FGD3: variants seen among roughly 807,000 people sequenced by gnomAD.
The protein encoded by FGD3 is FYVE, RhoGEF and PH domain-containing protein 3.
Under a neutral mutation model 71.8 loss-of-function variants are expected in FGD3, and 45 were observed. The observed-to-expected ratio is 0.63, with a 90% confidence interval of 0.49 to 0.80. The LOEUF is 0.80. Among genes scored for constraint, FGD3 ranks in the 30% least tolerant of loss-of-function variants. FGD3 has a pLI of 0.00. For missense variants in FGD3, 844 were observed against 951.5 expected (o/e 0.89, Z 1.49); for synonymous variants, 378 against 392.8 (o/e 0.96, Z 0.44).
At chr9:92,959,637 G>T (rs775347878) in intron 1 of FGD3, among the ~76,000 whole-genome samples, 3 of 148,554 alleles carry the variant, frequency 2.0e-5, no homozygotes, top group African/African-American at 7.5e-5. Context: ...AGCACAGGAG[G>T]TCGAGGCTAC....
At chr9:92,962,586 A>C (rs559421092) in intron 1 of FGD3, among the ~76,000 whole-genome samples, 18 of 152,288 alleles carry the variant, frequency 1.2e-4, no homozygotes, top group African/African-American at 4.3e-4. Flanking sequence ...TTCTCACAAA[A>C]ACTCCACCAC....
rs1392228209 is a variant in FGD3 at position 92,969,393 on chromosome 9, C to T, written c.-217-5845C>T. 1.3e-5 allele frequency among the ~76,000 whole-genome samples: 2 copies of T among 152,226 alleles called. No individual in the cohort carries two copies. On this transcript the variant is annotated intron_variant, in intron 1 of 17. Coordinates refer to ENST00000375482, the MANE Select transcript of FGD3 (RefSeq NM_001083536.2). This position sits in a 1 kb window ranked among gnomAD's most constrained non-coding sequence, Gnocchi z 4.5. ...CTGACCTGGCCTCCCACATGCTGCC[C>T]TCTCTAGTTACAGCGAGTCTCTTAG...
chr9:93,035,531 C>G lies in FGD3; in HGVS notation c.2120C>G (p.Ala707Gly). Residue 707 changes from alanine (A) to glycine (G), a missense_variant, in exon 18 of 18, where the codon GCC (alanine) becomes GGC (glycine). Physicochemically the swap from Ala to Gly is moderately conservative, Grantham distance 60. Transcript: ENST00000375482. Reference sequence around the variant, plus strand: ...AGCACTGCTGCCCATGGGGACACGGCCCAGGACAGCCCGGGGGCCCTGCAG... The same window carrying G: ...AGCACTGCTGCCCATGGGGACACGGGCCAGGACAGCCCGGGGGCCCTGCAG... ...TLSTAAHGDT[A>G]QDSPGALQLQ... 6.2e-7 allele frequency: 1 copy of G among 1,610,752 alleles called. No individual in the cohort carries two copies.
At chr9:93,001,110 A>G (rs1324305928) in intron 3 of FGD3, among the ~76,000 whole-genome samples, 1 of 152,052 alleles carries the variant, frequency 6.6e-6, no homozygotes, top group African/African-American at 2.4e-5. Context: ...AGTGTATTTC[A>G]GCTCCAGAAT....
intron 1 of FGD3, among the ~76,000 whole-genome samples, chr9:92,973,525 T>C (rs1406276439): frequency 4.6e-5 from 7 of 152,204 alleles, no homozygotes; most frequent in Non-Finnish European, 7.4e-5. Context: ...AAGGATGCAG[T>C]TGGGTAAACA....
intron 12 of FGD3, 137 bp downstream of exon 12, chr9:93,019,998 C>T: frequency 1.1e-6 from 1 of 877,300 alleles, no homozygotes; most frequent in Middle Eastern, 2.2e-4. Context: ...GATGCAGTGA[C>T]CACACTGTGC....
rs991646486 is a variant in FGD3, at chr9:92,978,408, C to T, written c.453+1699C>T. On this transcript the variant is annotated intron_variant, in intron 3 of 17. Transcript: ENST00000375482. ...ACCAGATGCTGACTGACACTCCCAC[C>T]GCCCACCCCCCCACCCCACCCCCAT... Among the ~76,000 whole-genome samples the T allele has an allele frequency of 1.0e-3, 111 of 111,534 alleles. 1 individual carries two copies. The highest frequency in any genetic ancestry group is 3.5e-3 in the African/African-American group (101 of 28,990). The allele number at this position is 111,534 out of a possible 152,430, so 73.2% of individuals were successfully genotyped here.
At chr9:92,990,070 G>T (rs1860348039) in intron 3 of FGD3, among the ~76,000 whole-genome samples, 1 of 151,784 alleles carries the variant, frequency 6.6e-6, no homozygotes, top group Non-Finnish European at 1.5e-5. Context: ...TATTGATTTT[G>T]TGCCCTTCAA....
intron 14 of FGD3, among the ~76,000 whole-genome samples, chr9:93,027,869 G>A (rs746907120): frequency 3.3e-5 from 5 of 151,762 alleles, no homozygotes; most frequent in South Asian, 2.1e-4. Context: ...ACAGGCACGT[G>A]CCACCACATC....
At chr9:93,015,039 T>G (rs919474871) in intron 9 of FGD3, among the ~76,000 whole-genome samples, 1 of 151,230 alleles carries the variant, frequency 6.6e-6, no homozygotes, top group African/African-American at 2.4e-5. Context: ...TCTTCTCTGT[T>G]TCTAGAATTT....
chr9:93,018,093 G>T, intron 10 of FGD3, 43 bp from the exon 11 acceptor site: 1 of 1,581,110 alleles, frequency 6.3e-7, no homozygotes, highest in South Asian at 1.1e-5. Flanking sequence ...GAGCTAAAAT[G>T]ACCAGCTTGG....
intron 1 of FGD3, among the ~76,000 whole-genome samples, chr9:92,957,756 A>G (rs74775708): frequency 0.038 from 5,352 of 140,974 alleles, 251 homozygotes; most frequent in East Asian, 0.25. Context: ...ATCTCTGCTC[A>G]CTGCAGCCTC....
chr9:93,008,205 G>A (rs187636514), intron 6 of FGD3, among the ~76,000 whole-genome samples: 6 of 152,256 alleles, frequency 3.9e-5, no homozygotes, highest in South Asian at 2.1e-4. Flanking sequence ...TGCAGACACC[G>A]TAACCCTTTA....
At chr9:93,024,954 CAG>C (rs374307040) in intron 14 of FGD3, among the ~76,000 whole-genome samples, 31 of 152,366 alleles carry the variant, frequency 2.0e-4, no homozygotes, top group African/African-American at 5.8e-4. Flanking sequence ...TGGCTCTGGG[CAG>C]AGAGATCAGA....
chr9:92,981,174 C>A (rs1859978870), intron 3 of FGD3, among the ~76,000 whole-genome samples: 1 of 150,974 alleles, frequency 6.6e-6, no homozygotes, highest in African/African-American at 2.4e-5. Flanking sequence ...CGAGACCATC[C>A]TGGCTAACAT....
At chr9:92,957,688 T>C (rs917494093) in intron 1 of FGD3, among the ~76,000 whole-genome samples, 11 of 147,362 alleles carry the variant, frequency 7.5e-5, no homozygotes, top group African/African-American at 2.5e-4. Flanking sequence ...TTTTTTTTTT[T>C]TTTTTTTTGA....
chr9:93,011,508 A>G (rs1383450443), intron 8 of FGD3, among the ~76,000 whole-genome samples: 1 of 152,158 alleles, frequency 6.6e-6, no homozygotes, highest in African/African-American at 2.4e-5. Context: ...TTCCCCATCT[A>G]TAAAATGGGA....
chr9:93,016,873 G>A (rs552840953), intron 10 of FGD3, among the ~76,000 whole-genome samples: 126 of 152,166 alleles, frequency 8.3e-4, no homozygotes, highest in African/African-American at 2.8e-3. Flanking sequence ...CACCTGCCTC[G>A]GCCTCCCAAA....
chr9:92,992,546 G>A (rs1293343874), intron 3 of FGD3, among the ~76,000 whole-genome samples: 1 of 152,198 alleles, frequency 6.6e-6, no homozygotes, highest in African/African-American at 2.4e-5. Flanking sequence ...TTAGCTGAAA[G>A]TGTGGCAGTG....
Sources: gnomAD v4.1 joint callset for allele counts (sites outside exome capture counted in the v4.1 genomes callset) on GRCh38, gnomAD v4.1.1 for gene constraint, Gnocchi (gnomAD v3.1) non-coding constraint, MANE v1.5 for transcripts, NCBI Gene and HGNC (gene_info 2026-07-23, HGNC 2026-07-21) for gene names.